The following STEAP1B variants were observed in gnomAD, a reference collection of about 807,000 sequenced individuals.
The protein encoded by STEAP1B is STEAP family protein MGC87042.
STEAP1B carries 13 observed loss-of-function variants against 27.9 expected under a neutral mutation model. The observed-to-expected ratio is 0.47, with a 90% CI of 0.30 to 0.74. STEAP1B has a LOEUF of 0.74. Ranked by LOEUF, STEAP1B falls within the 30% of genes least tolerant of loss-of-function variation. STEAP1B has a pLI of 0.06. For missense variants in STEAP1B, 250 were observed against 298.7 expected (o/e 0.84, Z 1.20); for synonymous variants, 86 against 107.1 (o/e 0.80, Z 1.22).
chr7:22,491,342 C>T (rs1251378665), intron 4 of STEAP1B, among the ~76,000 whole-genome samples: 1 of 152,176 alleles, frequency 6.6e-6, no homozygotes, highest in Non-Finnish European at 1.5e-5. Context: ...AGCCATTGTC[C>T]TTGCCTTTAA....
intron 4 of STEAP1B, among the ~76,000 whole-genome samples, chr7:22,474,688 T>C (rs1785941509): frequency 6.6e-6 from 1 of 152,236 alleles, no homozygotes; most frequent in South Asian, 2.1e-4. Context: ...AGGGCTCAAG[T>C]TCCTGTAGCC....
intron 3 of STEAP1B, 72 bp from the exon 4 acceptor site, chr7:22,492,801 A>T (rs1786354182): frequency 2.0e-6 from 3 of 1,528,294 alleles, no homozygotes; most frequent in Admixed American, 2.1e-5. Flanking sequence ...CTCCTTCTAC[A>T]CTCTTCCCTG....
intron 4 of STEAP1B, among the ~76,000 whole-genome samples, chr7:22,446,234 G>A (rs957153025): frequency 7.9e-5 from 12 of 152,198 alleles, no homozygotes; most frequent in African/African-American, 2.7e-4. Flanking sequence ...GCAGATCCCC[G>A]GTCCCTACCC....
intron 4 of STEAP1B, among the ~76,000 whole-genome samples, chr7:22,483,399 C>T (rs751756720): frequency 5.9e-5 from 9 of 152,210 alleles, no homozygotes; most frequent in Non-Finnish European, 1.2e-4. Flanking sequence ...TGCCTATGGG[C>T]ATGACTCAAG....
At position 22,493,793 on chromosome 7, in the gene STEAP1B, A is replaced by C; in HGVS notation, c.128T>G (p.Leu43Arg). Residue 43 changes from leucine (L) to arginine (R), a missense_variant, in exon 3 of 5, where the codon CTT becomes CGT. Coordinates refer to ENST00000678116, the MANE Select transcript of STEAP1B (RefSeq NM_001382447.1). ...ATGGGCTGTTTGCTGCAAATGCAAA[A>C]GCACAGGTCTTTTTAGCATGCTGGT... is the stretch of plus-strand genomic sequence containing the variant. The part of the protein sequence containing the change: ...GETSMLKRPV[L>R]LHLQQTAHAD... 1 of 1,613,344 alleles carries C rather than the reference A, an allele frequency of 6.2e-7. No homozygotes were observed. Among genetic ancestry groups the C allele is most frequent in the Non-Finnish European group, 8.5e-7 (1 of 1,179,682 alleles).
At chr7:22,497,806 C>T (rs1332659342) in intron 1 of STEAP1B, among the ~76,000 whole-genome samples, 8 of 152,194 alleles carry the variant, frequency 5.3e-5, no homozygotes, top group Admixed American at 2.6e-4. Flanking sequence ...GCAACATCTG[C>T]TTCTGGGGAG....
intron 4 of STEAP1B, among the ~76,000 whole-genome samples, chr7:22,454,349 G>A (rs1429491457): frequency 1.3e-5 from 2 of 151,968 alleles, no homozygotes; most frequent in South Asian, 4.2e-4. Context: ...GCCATTGTTC[G>A]CCGAATAATA....
At chr7:22,431,625 T>A (rs1785189032) in intron 4 of STEAP1B, among the ~76,000 whole-genome samples, 1 of 152,228 alleles carries the variant, frequency 6.6e-6, no homozygotes. Flanking sequence ...CTCTCTGCCC[T>A]AAGAAGCTAA....
At chr7:22,454,843 A>G (rs28393880) in intron 4 of STEAP1B, among the ~76,000 whole-genome samples, 4,040 of 93,284 alleles carry the variant, frequency 0.043, 96 homozygotes, top group Non-Finnish European at 0.057. Flanking sequence ...ATATATATAT[A>G]TATATGTATA....
chr7:22,425,926 G>A (rs1785100101), intron 4 of STEAP1B, among the ~76,000 whole-genome samples: 1 of 152,214 alleles, frequency 6.6e-6, no homozygotes, highest in African/African-American at 2.4e-5. Flanking sequence ...ACAGCCCTTA[G>A]TGGCTACAAA....
chr7:22,455,781 C>A (rs1785568195), intron 4 of STEAP1B, among the ~76,000 whole-genome samples: 1 of 152,182 alleles, frequency 6.6e-6, no homozygotes, highest in African/African-American at 2.4e-5. Context: ...GCTTATATAA[C>A]TGGAATAAAA....
chr7:22,427,489 A>G (rs1197192549), intron 4 of STEAP1B, among the ~76,000 whole-genome samples: 1 of 152,202 alleles, frequency 6.6e-6, no homozygotes, highest in African/African-American at 2.4e-5. Context: ...GGTGGAAAAG[A>G]ATAGGTAGAT....
At chr7:22,482,505 G>C (rs919505238) in intron 4 of STEAP1B, among the ~76,000 whole-genome samples, 4 of 152,184 alleles carry the variant, frequency 2.6e-5, no homozygotes, top group African/African-American at 9.7e-5. Flanking sequence ...GAGCTAAGGA[G>C]ATCTCCCAGC....
chr7:22,450,910 G>A (rs1785476460), intron 4 of STEAP1B, among the ~76,000 whole-genome samples: 1 of 152,038 alleles, frequency 6.6e-6, no homozygotes, highest in African/African-American at 2.4e-5. Flanking sequence ...TACTGAAAAT[G>A]GGGGCCCGGC....
rs150453155 is a variant in STEAP1B at position 22,489,830 on chromosome 7, G to C, written c.762+2735C>G. On this transcript the variant is annotated intron_variant, in intron 4 of 4. Transcript: ENST00000678116. Reference sequence around the variant, plus strand: ...TTGGTAGCTTGATGGGAATGTCATTGAATCTATAAATTACCTTGGGCAGTA... The same window carrying C: ...TTGGTAGCTTGATGGGAATGTCATTCAATCTATAAATTACCTTGGGCAGTA... 2.5e-3 allele frequency among the ~76,000 whole-genome samples: 386 copies of C among 152,260 alleles called. 2 individuals are homozygous for C. The highest frequency in any genetic ancestry group is 7.9e-3 in the African/African-American group (328 of 41,556).
intron 4 of STEAP1B, among the ~76,000 whole-genome samples, chr7:22,451,801 G>A (rs1451387006): frequency 6.6e-6 from 1 of 152,114 alleles, no homozygotes; most frequent in Non-Finnish European, 1.5e-5. Context: ...TTTTGTTGAG[G>A]ATTTTTGCAG....
chr7:22,468,016 A>T (rs1785816361), intron 4 of STEAP1B, among the ~76,000 whole-genome samples: 1 of 152,212 alleles, frequency 6.6e-6, no homozygotes, highest in African/African-American at 2.4e-5. Context: ...TTTCGTATGA[A>T]GATATCCCAT....
intron 4 of STEAP1B, among the ~76,000 whole-genome samples, chr7:22,435,107 G>C (rs1288839865): frequency 6.6e-6 from 1 of 152,124 alleles, no homozygotes; most frequent in Non-Finnish European, 1.5e-5. Flanking sequence ...TCTAGTCCCA[G>C]ATAGATCTGG....
At chr7:22,488,254 A>G (rs1786250424) in intron 4 of STEAP1B, among the ~76,000 whole-genome samples, 1 of 151,958 alleles carries the variant, frequency 6.6e-6, no homozygotes, top group Admixed American at 6.6e-5. Context: ...TGCCCCACCT[A>G]TCCTTCCCAC....
Sources: allele counts gnomAD v4.1 joint callset (sites outside exome capture counted in the v4.1 genomes callset), GRCh38; gene constraint gnomAD v4.1.1; transcripts MANE v1.5; gene names NCBI Gene and HGNC (gene_info 2026-07-23, HGNC 2026-07-21).